The following HSCB variants were observed in gnomAD, a reference collection of about 807,000 sequenced individuals.
The protein encoded by HSCB is HscB mitochondrial iron-sulfur cluster cochaperone.
A neutral mutation model predicts 31.3 loss-of-function variants in HSCB; 23 were observed. That is an observed-to-expected ratio of 0.74 (90% CI 0.53 to 1.04). The LOEUF (loss-of-function observed/expected upper bound fraction) is 1.04, where lower values mean the gene tolerates loss of function less well. Among genes scored for constraint, HSCB ranks in the 50% least tolerant of loss-of-function variants. The pLI is 0.00. For missense variants in HSCB, 297 were observed against 288.1 expected (o/e 1.03, Z -0.22); for synonymous variants, 110 against 104.5 (o/e 1.05, Z -0.32).
At chr22:28,746,470 G>A (rs952048493) in intron 4 of HSCB, among the ~76,000 whole-genome samples, 2 of 151,928 alleles carry the variant, frequency 1.3e-5, no homozygotes, top group African/African-American at 4.8e-5. Flanking sequence ...CTATAGGGTA[G>A]GGCTGGGCAC....
At chr22:28,752,171 C>G (rs1000337552) in intron 5 of HSCB, among the ~76,000 whole-genome samples, 2 of 151,888 alleles carry the variant, frequency 1.3e-5, no homozygotes, top group African/African-American at 4.8e-5. Context: ...GGGCTGGGCG[C>G]GGTGGCTCAC....
chr22:28,752,786 A>G (rs971155395), intron 5 of HSCB, among the ~76,000 whole-genome samples: 3 of 151,904 alleles, frequency 2.0e-5, no homozygotes, highest in African/African-American at 7.3e-5. Flanking sequence ...AAAAAATGTT[A>G]AAAGAATTGA....
rs571254915 is a variant in HSCB, at chr22:28,746,868, T to C, written c.568+860T>C. On this transcript the variant is annotated intron_variant, in intron 4 of 5. Coordinates refer to ENST00000216027, the MANE Select transcript of HSCB (RefSeq NM_172002.5). ...GAGCCCAGATCGTGCCACTGCATTA[T>C]AGCCTGGACGACAGAGTGAGACTCC... Among the ~76,000 whole-genome samples the C allele has an allele frequency of 8.8e-5, 13 of 148,104 alleles. No homozygotes were observed. In the East Asian group the frequency reaches 2.2e-3, roughly 25 times the overall value.
At chr22:28,747,084 A>G (rs1273733193) in intron 4 of HSCB, among the ~76,000 whole-genome samples, 4 of 151,982 alleles carry the variant, frequency 2.6e-5, no homozygotes, top group Non-Finnish European at 4.4e-5. Flanking sequence ...AACAAAATCT[A>G]TAGGGGTAGA....
rs758451182 is a variant in HSCB, at chr22:28,750,945, C to CTTTTTTTTTTTTTTTTTTTTTTTTTTTTT, written c.569-272_569-271insTTTTTTTTTTTTTTTTTTTTTTTTTTTTT. Among the ~76,000 whole-genome samples the CTTTTTTTTTTTTTTTTTTTTTTTTTTTTT allele has an allele frequency of 8.0e-4, 45 of 56,450 alleles. 3 individuals are homozygous for CTTTTTTTTTTTTTTTTTTTTTTTTTTTTT. Among genetic ancestry groups the CTTTTTTTTTTTTTTTTTTTTTTTTTTTTT allele is most frequent in the East Asian group, 1.0e-3 (1 of 978 alleles). 37.0% of individuals were successfully genotyped at this position (56,450 alleles called of 152,430 possible). On this transcript the variant is annotated intron_variant, in intron 4 of 5. Coordinates refer to ENST00000216027, the MANE Select transcript of HSCB (RefSeq NM_172002.5). ...GGAGATAATCAAAGTATATCTTTGT[C>CTTTTTTTTTTTTTTTTTTTTTTTTTTTTT]TTTTTTTTTTTTTTTTTTTTTTTTA...
intron 5 of HSCB, among the ~76,000 whole-genome samples, chr22:28,753,797 C>T (rs989861552): frequency 2.0e-5 from 3 of 150,344 alleles, no homozygotes; most frequent in African/African-American, 7.4e-5. Context: ...GAGACCACCT[C>T]ACTGCACTTC....
At chr22:28,753,381 AG>A (rs779924527) in intron 5 of HSCB, among the ~76,000 whole-genome samples, 9 of 151,102 alleles carry the variant, frequency 6.0e-5, no homozygotes, top group Non-Finnish European at 1.3e-4. Context: ...CAAAAAAATT[AG>A]GGTGGCATGG....
chr22:28,746,380 C>CAAAAAAAA (rs56751858), intron 4 of HSCB, among the ~76,000 whole-genome samples: 2 of 71,574 alleles, frequency 2.8e-5, no homozygotes, highest in Non-Finnish European at 5.2e-5. Flanking sequence ...GACTCCATCT[C>CAAAAAAAA]AAAAAAAAAA....
rs774628162 is a variant in HSCB, at chr22:28,746,006, A to G, written c.566A>G (p.Lys189Arg). 5.0e-6 allele frequency: 8 copies of G among 1,609,122 alleles called. No individual in the cohort carries two copies. The highest frequency in any genetic ancestry group is 3.4e-5 in the Admixed American group (2 of 58,610). Residue 189 changes from lysine (K) to arginine (R), a missense_variant and splice_region_variant, in exon 4 of 6, where the codon AAA becomes AGA. By Grantham distance (26) the Lys-to-Arg change is conservative. Transcript: ENST00000216027. ...ATGAAAGAGATTGAATCCATTGTCA[A>G]AGGTGAAAGATAAAATAGCACTGAA... is the stretch of plus-strand genomic sequence containing the variant. ...AAMKEIESIV[K>R]AKQKEFTDNV...
chr22:28,743,850 T>A (rs2054637598), intron 1 of HSCB, 32 bp from the exon 2 acceptor site: 1 of 1,541,672 alleles, frequency 6.5e-7, no homozygotes. Flanking sequence ...AAATATTTGT[T>A]GTATAAATTT....
chr22:28,750,807 G>T (rs2030174690), intron 4 of HSCB, among the ~76,000 whole-genome samples: 1 of 152,052 alleles, frequency 6.6e-6, no homozygotes, highest in African/African-American at 2.4e-5. Flanking sequence ...TTCCTGAGAG[G>T]CTATACAGTT....
At chr22:28,743,625 A>G (rs548473435) in intron 1 of HSCB, among the ~76,000 whole-genome samples, 1 of 152,142 alleles carries the variant, frequency 6.6e-6, no homozygotes, top group South Asian at 2.1e-4. Flanking sequence ...TGCTCTTGCA[A>G]TTCTACCTGG....
rs535615673 is a variant in HSCB at position 28,755,740 on chromosome 22, T to C, written c.617-1338T>C. 1.5e-3 allele frequency among the ~76,000 whole-genome samples: 224 copies of C among 152,318 alleles called. 2 individuals are homozygous for C. Among genetic ancestry groups the C allele is most frequent in the Admixed American group, 2.0e-3 (31 of 15,288 alleles). On this transcript the variant is annotated intron_variant, in intron 5 of 5. Coordinates refer to ENST00000216027, the MANE Select transcript of HSCB (RefSeq NM_172002.5). ...CACTCTTCACATTGTGTTTTACTTA[T>C]CTAAGTCAGGTTTTCTCAACCTTGG... is the stretch of plus-strand genomic sequence containing the variant.
Position 28,757,353 on chromosome 22 carries a change from C to T in HSCB, c.*184C>T, listed in dbSNP as rs1000618263. 65 of 433,308 alleles carry T rather than the reference C, an allele frequency of 1.5e-4. 1 individual carries two copies. The highest frequency in any genetic ancestry group is 3.5e-4 in the South Asian group (16 of 45,976). 26.8% of individuals were successfully genotyped at this position (433,308 alleles called of 1,614,324 possible). On this transcript the variant is annotated 3_prime_UTR_variant, in exon 6 of 6. Coordinates refer to ENST00000216027, the MANE Select transcript of HSCB (RefSeq NM_172002.5). Reference sequence around the variant, plus strand: ...TACAAAAATTAGCCGGGCATGGTGGCGCGTGCCTGTAATCCCAGCTACTTG... The same window carrying T: ...TACAAAAATTAGCCGGGCATGGTGGTGCGTGCCTGTAATCCCAGCTACTTG...
At position 28,745,899 on chromosome 22, in the gene HSCB, A is replaced by G; in HGVS notation, c.459A>G (p.Thr153=). The G allele has an allele frequency of 6.2e-7, 1 of 1,613,156 alleles. No homozygotes were observed. The highest frequency in any genetic ancestry group is 8.5e-7 in the Non-Finnish European group (1 of 1,179,536). ...ATGGAATAGAGATTCCTGAAAGGAC[A>G]GATTATGAAATGGACAGGCAATTCC... ...KLHGIEIPER[T]DYEMDRQFLI... Residue 153 remains threonine, a synonymous_variant, in exon 4 of 6, where the codon ACA becomes ACG. Coordinates refer to ENST00000216027, the MANE Select transcript of HSCB (RefSeq NM_172002.5).
chr22:28,751,132 C>A (rs2030217630), intron 4 of HSCB, 109 bp from the exon 5 acceptor site: 1 of 671,262 alleles, frequency 1.5e-6, no homozygotes, highest in Non-Finnish European at 2.6e-6. Flanking sequence ...TGAATACAAA[C>A]TTCCTCCTTT....
intron 1 of HSCB, chr22:28,742,656 T>G (rs2054596840): frequency 4.4e-5 from 16 of 365,114 alleles, no homozygotes; most frequent in Non-Finnish European, 6.5e-5. Context: ...GAAGGAGAAG[T>G]CGAGGGGCGG....
At chr22:28,756,808 A>T (rs936512602) in intron 5 of HSCB, among the ~76,000 whole-genome samples, 2 of 151,974 alleles carry the variant, frequency 1.3e-5, no homozygotes, top group Non-Finnish European at 2.9e-5. Context: ...CCACCCATTT[A>T]TTACTTGGGA....
intron 4 of HSCB, among the ~76,000 whole-genome samples, chr22:28,747,245 A>G (rs1054105176): frequency 1.3e-4 from 20 of 152,108 alleles, no homozygotes; most frequent in African/African-American, 4.8e-4. Context: ...CTTAAAGTCA[A>G]CTGATTATAA....
Sources: allele counts gnomAD v4.1 joint callset (sites outside exome capture counted in the v4.1 genomes callset), GRCh38; gene constraint gnomAD v4.1.1; transcripts MANE v1.5; gene names NCBI Gene and HGNC (gene_info 2026-07-23, HGNC 2026-07-21).